RALGAPA1: variants seen among roughly 807,000 people sequenced by gnomAD.
RALGAPA1 encodes the protein ral GTPase-activating protein subunit alpha-1.
RALGAPA1 carries 52 observed loss-of-function variants against 269.6 expected under a neutral mutation model. The observed-to-expected ratio is 0.19, with a 90% confidence interval of 0.15 to 0.24. The LOEUF (loss-of-function observed/expected upper bound fraction) is 0.24, where lower values mean the gene tolerates loss of function less well. Among genes scored for constraint, RALGAPA1 ranks in the 10% least tolerant of loss-of-function variants. The pLI is 1.00. For synonymous variants in RALGAPA1, 817 were observed against 1,008.3 expected, an observed-to-expected ratio of 0.81 and a Z score of 3.60; for missense variants, 1,917 against 3,013.9, an observed-to-expected ratio of 0.64 and a Z score of 8.52.
intron 36 of RALGAPA1, among the ~76,000 whole-genome samples, chr14:35,596,538 CA>C (rs1566779984): frequency 1.3e-5 from 2 of 152,042 alleles, no homozygotes; most frequent in Middle Eastern, 3.4e-3. Flanking sequence ...ATGAGAATAA[CA>C]GGTAAAATGG....
chr14:35,770,875 C>T (rs933620431), intron 4 of RALGAPA1, 67 bp downstream of exon 4: 3 of 543,418 alleles, frequency 5.5e-6, no homozygotes, highest in Non-Finnish European at 9.5e-6. Context: ...ACTAACAACC[C>T]ATTAAAGAAC....
chr14:35,552,447 C>T (rs567210454), intron 39 of RALGAPA1, among the ~76,000 whole-genome samples: 1 of 152,288 alleles, frequency 6.6e-6, no homozygotes, highest in African/African-American at 2.4e-5. Flanking sequence ...AACTCCACAG[C>T]TGGCAACAAC....
At chr14:35,638,251 T>C (rs1447330705) in intron 31 of RALGAPA1, among the ~76,000 whole-genome samples, 1 of 152,102 alleles carries the variant, frequency 6.6e-6, no homozygotes, top group Non-Finnish European at 1.5e-5. Flanking sequence ...TAAAAAATAA[T>C]AACAACAACT....
At chr14:35,665,779 G>A (rs1218393805) in intron 26 of RALGAPA1, among the ~76,000 whole-genome samples, 1 of 152,138 alleles carries the variant, frequency 6.6e-6, no homozygotes, top group Non-Finnish European at 1.5e-5. Flanking sequence ...TTTAATGAAA[G>A]AGATTAGCTG....
intron 39 of RALGAPA1, among the ~76,000 whole-genome samples, chr14:35,554,418 C>T (rs1359865492): frequency 1.4e-5 from 2 of 138,014 alleles, no homozygotes; most frequent in East Asian, 4.3e-4. Flanking sequence ...GGGATCTCGG[C>T]TCACTGCAAG....
At chr14:35,611,577 A>AG (rs2059938051) in intron 35 of RALGAPA1, among the ~76,000 whole-genome samples, 1 of 152,008 alleles carries the variant, frequency 6.6e-6, no homozygotes, top group African/African-American at 2.4e-5. Flanking sequence ...ACAAAAAAAA[A>AG]AAATTGGCTG....
intron 28 of RALGAPA1, among the ~76,000 whole-genome samples, chr14:35,658,450 G>A (rs2063338659): frequency 6.6e-6 from 1 of 151,966 alleles, no homozygotes; most frequent in Non-Finnish European, 1.5e-5. Context: ...TAGATCTGAG[G>A]AGTAGTAGCA....
chr14:35,769,008 C>CAAAAAAAAAAAAAA (rs1170324007), intron 4 of RALGAPA1, among the ~76,000 whole-genome samples: 1 of 11,192 alleles, frequency 8.9e-5, no homozygotes, highest in African/African-American at 3.1e-4. Flanking sequence ...AACTCCGTCT[C>CAAAAAAAAAAAAAA]AAAAAAAAAA....
chr14:35,630,434 T>C (rs1008041005), intron 33 of RALGAPA1, among the ~76,000 whole-genome samples: 1 of 152,134 alleles, frequency 6.6e-6, no homozygotes, highest in Non-Finnish European at 1.5e-5. Flanking sequence ...ATTACAAGCA[T>C]GTGCCACCAC....
chr14:35,737,960 C>T (rs945258949), intron 12 of RALGAPA1, among the ~76,000 whole-genome samples: 24 of 150,394 alleles, frequency 1.6e-4, no homozygotes, highest in Non-Finnish European at 3.1e-4. Context: ...TAGTGGCACG[C>T]GCCTGTAATC....
intron 1 of RALGAPA1, among the ~76,000 whole-genome samples, chr14:35,785,503 A>G (rs1441052150): frequency 6.6e-6 from 1 of 152,246 alleles, no homozygotes; most frequent in Admixed American, 6.5e-5. Context: ...TACTGGGAAG[A>G]GAAAATATAC....
chr14:35,599,102 AT>A lies in RALGAPA1; in HGVS notation c.7054-3314del, dbSNP rs1452502934. Among the ~76,000 whole-genome samples, 12 of 152,312 alleles carry A rather than the reference AT, an allele frequency of 7.9e-5. No individual in the cohort carries two copies. In the South Asian group the frequency reaches 1.0e-3, roughly 13 times the overall value. ...AAGTAAAGTAACCCTACCTTACTAT[AT>A]GTTCCTTTACCATCCCTGTTTGAAA... On this transcript the variant is annotated intron_variant, in intron 36 of 41. Transcript: ENST00000680220.
intron 36 of RALGAPA1, among the ~76,000 whole-genome samples, chr14:35,599,789 TC>T (rs1167210043): frequency 6.6e-6 from 1 of 151,864 alleles, no homozygotes; most frequent in Non-Finnish European, 1.5e-5. Flanking sequence ...AAAAACAGAT[TC>T]TGAGTTGACA....
At chr14:35,643,796 A>G (rs1438205492) in intron 31 of RALGAPA1, among the ~76,000 whole-genome samples, 4 of 152,202 alleles carry the variant, frequency 2.6e-5, no homozygotes, top group Non-Finnish European at 5.9e-5. Context: ...AAAGACAAAC[A>G]TTGCATGCTC....
intron 37 of RALGAPA1, among the ~76,000 whole-genome samples, chr14:35,576,035 A>G (rs1414652232): frequency 2.0e-5 from 3 of 152,240 alleles, no homozygotes; most frequent in South Asian, 2.1e-4. Flanking sequence ...TTATCTGAAG[A>G]TCAGTCTAAT....
At chr14:35,792,179 CAG>C (rs765169736) in intron 1 of RALGAPA1, among the ~76,000 whole-genome samples, 9 of 151,950 alleles carry the variant, frequency 5.9e-5, no homozygotes, top group Non-Finnish European at 1.0e-4. Flanking sequence ...TTTTTTGAGA[CAG>C]AGTCTTGCTC....
chr14:35,671,531 A>C lies in RALGAPA1; in HGVS notation c.5074-14T>G, dbSNP rs777961664. 1.5e-5 allele frequency: 21 copies of C among 1,446,636 alleles called. 1 individual carries two copies. The highest frequency in any genetic ancestry group is 1.0e-4 in the Admixed American group (6 of 58,180). The allele number at this position is 1,446,636 out of a possible 1,614,324, so 89.6% of individuals were successfully genotyped here. On this transcript the variant is annotated splice_polypyrimidine_tract_variant and intron_variant, in intron 25 of 41. Coordinates refer to ENST00000680220, the MANE Select transcript of RALGAPA1 (RefSeq NM_001346249.2). ...ATTGACAATATCCTTAGAATAAGGA[A>C]AGAAGGAAAAAAGAATATCACATAT...
intron 13 of RALGAPA1, 69 bp downstream of exon 13, chr14:35,728,293 T>A: frequency 7.6e-7 from 1 of 1,322,612 alleles, no homozygotes; most frequent in Non-Finnish European, 9.8e-7. Context: ...AGACACTATT[T>A]CTCTAAAAAT....
intron 16 of RALGAPA1, among the ~76,000 whole-genome samples, chr14:35,702,877 C>A (rs1045439057): frequency 1.3e-5 from 2 of 151,490 alleles, no homozygotes; most frequent in African/African-American, 4.8e-5. Flanking sequence ...GTAGCTGGGA[C>A]TACAGGCGCC....
Sources: allele counts gnomAD v4.1 joint callset (sites outside exome capture counted in the v4.1 genomes callset), GRCh38; gene constraint gnomAD v4.1.1; transcripts MANE v1.5; gene names NCBI Gene and HGNC (gene_info 2026-07-23, HGNC 2026-07-21).